TTC27: variants seen among roughly 807,000 people sequenced by gnomAD.
TTC27 encodes tetratricopeptide repeat protein 27.
In TTC27, 79 loss-of-function variants were observed where a neutral mutation model predicts 115.9. The ratio of observed to expected loss-of-function variants is 0.68; its 90% CI spans 0.57 to 0.82. TTC27 has a LOEUF of 0.82. Among genes scored for constraint, TTC27 ranks in the 40% least tolerant of loss-of-function variants. The probability of loss-of-function intolerance (pLI) is 0.00; values close to 1 mark genes in which losing one functional copy is unlikely to be tolerated. For missense variants in TTC27, 1,054 were observed against 993.1 expected (o/e 1.06, Z -0.82); for synonymous variants, 401 against 356.0 (o/e 1.13, Z -1.42).
rs926376669 is a variant in TTC27, at chr2:32,699,651, G to A, written c.1120-3156G>A. ...TTCTTACCTCATCATGGGCAGCAGT[G>A]TTTTATAAAATATATTGAATATAGC... On this transcript the variant is annotated intron_variant, in intron 9 of 19. Coordinates refer to ENST00000317907, the MANE Select transcript of TTC27 (RefSeq NM_017735.5). 5.3e-5 allele frequency among the ~76,000 whole-genome samples: 8 copies of A among 152,150 alleles called. No individual in the cohort carries two copies. The East Asian group carries it at 7.7e-4, about 15-fold the overall frequency.
At chr2:32,768,612 C>A (rs1669718607) in intron 13 of TTC27, among the ~76,000 whole-genome samples, 1 of 152,184 alleles carries the variant, frequency 6.6e-6, no homozygotes, top group South Asian at 2.1e-4. Flanking sequence ...GATTACCTAA[C>A]CCTGTAGATG....
chr2:32,662,200 T>G (rs1401447629), intron 5 of TTC27, among the ~76,000 whole-genome samples: 1 of 152,232 alleles, frequency 6.6e-6, no homozygotes, highest in African/African-American at 2.4e-5. Context: ...TGCATCAATG[T>G]TCATCAGGGA....
At chr2:32,685,952 T>C (rs995366439) in intron 9 of TTC27, among the ~76,000 whole-genome samples, 8 of 152,192 alleles carry the variant, frequency 5.3e-5, no homozygotes, top group Non-Finnish European at 1.2e-4. Context: ...GTTTATGTCA[T>C]AGAAAAACTC....
rs183336460 is a variant in TTC27, at chr2:32,815,313, T to C, written c.2309-2144T>C. Among the ~76,000 whole-genome samples, 642 of 135,790 alleles carry C rather than the reference T, an allele frequency of 4.7e-3. 21 individuals carry two copies. The East Asian group carries it at 0.1, about 22-fold the overall frequency. The allele number at this position is 135,790 out of a possible 152,430, so 89.1% of individuals were successfully genotyped here. On this transcript the variant is annotated intron_variant, in intron 18 of 19. Coordinates refer to ENST00000317907, the MANE Select transcript of TTC27 (RefSeq NM_017735.5). ...GTGCAGTGGCGCGATCTCGGCTCAC[T>C]GCAAGCTTCGCCTCCCAGGTTCACG...
chr2:32,812,659 T>C (rs1222798803), intron 18 of TTC27, 44 bp downstream of exon 18: 8 of 1,431,636 alleles, frequency 5.6e-6, no homozygotes, highest in Non-Finnish European at 7.9e-6. Context: ...TTTTGACTTA[T>C]TTTCTACTGA....
At chr2:32,717,070 C>G (rs1331158116) in intron 10 of TTC27, among the ~76,000 whole-genome samples, 1 of 150,806 alleles carries the variant, frequency 6.6e-6, no homozygotes, top group African/African-American at 2.4e-5. Flanking sequence ...GTGGCATGAT[C>G]ACAGCTCACT....
intron 12 of TTC27, among the ~76,000 whole-genome samples, chr2:32,745,054 C>CAAAAAAAAAAAAA (rs57044153): frequency 2.0e-5 from 1 of 49,882 alleles, no homozygotes; most frequent in Non-Finnish European, 3.3e-5. Context: ...AACTCTGTCT[C>CAAAAAAAAAAAAA]AAAAAAAAAA....
chr2:32,800,660 G>T (rs1434316175), intron 16 of TTC27, among the ~76,000 whole-genome samples: 1 of 151,740 alleles, frequency 6.6e-6, no homozygotes, highest in Non-Finnish European at 1.5e-5. Flanking sequence ...ACTATGCCCA[G>T]CTAATTTTTG....
intron 2 of TTC27, among the ~76,000 whole-genome samples, chr2:32,631,293 ACT>A (rs1423509487): frequency 3.3e-5 from 5 of 151,910 alleles, no homozygotes; most frequent in South Asian, 2.1e-4. Flanking sequence ...ACAGAGCGAG[ACT>A]CTGTCTCAAA....
chr2:32,679,852 C>G (rs1192239104), intron 9 of TTC27, among the ~76,000 whole-genome samples: 3 of 152,116 alleles, frequency 2.0e-5, no homozygotes, highest in African/African-American at 7.2e-5. Context: ...ATTACCTGGG[C>G]TTGGTGGTAC....
At position 32,733,731 on chromosome 2, in the gene TTC27, G is replaced by A. The variant is rs115014203; in HGVS notation, c.1234-97G>A. 3.6e-3 allele frequency: 2,313 copies of A among 650,874 alleles called. 47 individuals carry two copies. In the African/African-American group the frequency reaches 0.039, roughly 11 times the overall value. The allele number at this position is 650,874 out of a possible 1,614,324, so 40.3% of individuals were successfully genotyped here. ...CTTATCAAAATGACTTAAGTTCTTT[G>A]TTGTTTATATGTGCATTTGTATAAC... On this transcript the variant is annotated intron_variant, in intron 10 of 19. Coordinates refer to ENST00000317907, the MANE Select transcript of TTC27 (RefSeq NM_017735.5).
chr2:32,685,800 G>C (rs572784926), intron 9 of TTC27, among the ~76,000 whole-genome samples: 67 of 152,256 alleles, frequency 4.4e-4, no homozygotes, highest in African/African-American at 1.5e-3. Context: ...TCAGAAAAAA[G>C]GGAAGATTGT....
At chr2:32,699,037 C>T (rs186718429) in intron 9 of TTC27, among the ~76,000 whole-genome samples, 77 of 152,214 alleles carry the variant, frequency 5.1e-4, no homozygotes, top group African/African-American at 1.8e-3. Flanking sequence ...TTTCTGTTTC[C>T]GAAGAACCAC....
chr2:32,808,340 T>C (rs1319336037), intron 16 of TTC27, among the ~76,000 whole-genome samples: 3 of 152,168 alleles, frequency 2.0e-5, no homozygotes, highest in Non-Finnish European at 4.4e-5. Flanking sequence ...CCTCAATGAC[T>C]CTCGTTATCT....
In TTC27 at chr2:32,628,103, C is replaced by T. The variant is rs1429745613; in HGVS notation, c.-190C>T. 2 of 568,462 alleles carry T rather than the reference C, an allele frequency of 3.5e-6. No individual in the cohort carries two copies. The highest frequency in any genetic ancestry group is 3.9e-5 in the African/African-American group (2 of 50,752). The allele number at this position is 568,462 out of a possible 1,614,324, so 35.2% of individuals were successfully genotyped here. A position where few individuals can be genotyped will look rare whatever the true frequency, so the allele number is the denominator to read the frequency against. On this transcript the variant is annotated 5_prime_UTR_variant, in exon 1 of 20. Transcript: ENST00000317907. ...AGCGTGCGTGTTTTTCCCAGGGTGCCCCGCGCTGCTGTTATGGCCGCCTCC... is the reference window on the plus strand; with the variant it reads ...AGCGTGCGTGTTTTTCCCAGGGTGCTCCGCGCTGCTGTTATGGCCGCCTCC...
intron 3 of TTC27, among the ~76,000 whole-genome samples, chr2:32,638,447 C>A (rs1459356474): frequency 6.6e-6 from 1 of 152,118 alleles, no homozygotes; most frequent in African/African-American, 2.4e-5. Context: ...AGCATGATCA[C>A]GGCTCACTGT....
chr2:32,745,708 T>G (rs1469237480), intron 12 of TTC27, among the ~76,000 whole-genome samples: 3 of 152,102 alleles, frequency 2.0e-5, no homozygotes, highest in African/African-American at 7.2e-5. Flanking sequence ...TTAAGGATAC[T>G]TCATCTTAAA....
chr2:32,710,151 G>T (rs141402404), intron 10 of TTC27, among the ~76,000 whole-genome samples: 1,929 of 152,098 alleles, frequency 0.013, 36 homozygotes, highest in African/African-American at 0.045. Flanking sequence ...GAGTAGCTGG[G>T]ACTATAGGCA....
chr2:32,762,744 C>T lies in TTC27; in HGVS notation c.1680+4225C>T, dbSNP rs1043336327. ...GCAATCTCTGCTTCCCAGGTTCAGG[C>T]GATTCTCCTGCCTCAGCCTTCCAAG... On this transcript the variant is annotated intron_variant, in intron 13 of 19. Transcript: ENST00000317907. Among the ~76,000 whole-genome samples the T allele has an allele frequency of 1.3e-4, 20 of 152,034 alleles. No homozygotes were observed. The East Asian group carries it at 3.1e-3, about 23-fold the overall frequency.
Sources: gnomAD v4.1 joint callset for allele counts (sites outside exome capture counted in the v4.1 genomes callset) on GRCh38, gnomAD v4.1.1 for gene constraint, MANE v1.5 for transcripts, NCBI Gene and HGNC (gene_info 2026-07-23, HGNC 2026-07-21) for gene names.